SOX5: variants seen among roughly 807,000 people sequenced by gnomAD.
The protein encoded by SOX5 is SRY-box transcription factor 5.
A neutral mutation model predicts 92.0 loss-of-function variants in SOX5; 9 were observed. That is an observed-to-expected ratio of 0.10 (90% CI 0.06 to 0.17). The LOEUF (loss-of-function observed/expected upper bound fraction) is 0.17. SOX5 is among the 10% of genes least tolerant of loss of function. SOX5 has a pLI of 1.00. For missense variants in SOX5, 642 were observed against 944.5 expected (o/e 0.68, Z 4.20); for synonymous variants, 344 against 336.3 (o/e 1.02, Z -0.25).
intron 3 of SOX5, among the ~76,000 whole-genome samples, chr12:23,789,284 G>A (rs77052592): frequency 0.01 from 1,529 of 150,970 alleles, 31 homozygotes; most frequent in African/African-American, 0.036. Flanking sequence ...CCATCTTGCC[G>A]TGTGCTTAAC....
intron 4 of SOX5, among the ~76,000 whole-genome samples, chr12:23,992,688 T>G (rs1327438762): frequency 3.3e-5 from 5 of 152,190 alleles, no homozygotes; most frequent in Non-Finnish European, 1.5e-5. Context: ...TATTTTCTTC[T>G]TTGAGGTTCA....
intron 2 of SOX5, among the ~76,000 whole-genome samples, chr12:24,355,604 A>G (rs1264981941): frequency 1.3e-5 from 2 of 152,126 alleles, no homozygotes; most frequent in East Asian, 3.8e-4. Flanking sequence ...TCCTTAGATC[A>G]TTTTATAAGA....
intron 3 of SOX5, among the ~76,000 whole-genome samples, chr12:23,825,889 A>G (rs1321656368): frequency 6.6e-6 from 1 of 152,218 alleles, no homozygotes; most frequent in Non-Finnish European, 1.5e-5. Context: ...CAAAAAATTA[A>G]GAACTCTAAG....
chr12:24,262,324 C>T (rs761005492), intron 3 of SOX5, among the ~76,000 whole-genome samples: 2 of 152,176 alleles, frequency 1.3e-5, no homozygotes, highest in Non-Finnish European at 2.9e-5. Flanking sequence ...CATTAGAAGG[C>T]ATTCAAAGAC....
intron 4 of SOX5, among the ~76,000 whole-genome samples, chr12:24,064,650 T>G (rs576726195): frequency 6.6e-6 from 1 of 152,362 alleles, no homozygotes; most frequent in African/African-American, 2.4e-5. Flanking sequence ...TTATCTGTTC[T>G]CCTTATGAGA....
chr12:24,310,343 T>A (rs771809072), intron 2 of SOX5, among the ~76,000 whole-genome samples: 1 of 152,188 alleles, frequency 6.6e-6, no homozygotes, highest in Non-Finnish European at 1.5e-5. Flanking sequence ...GTATTACGGT[T>A]TCTGGGTTTG....
chr12:24,558,369 C>T (rs962805765), intron 1 of SOX5, among the ~76,000 whole-genome samples: 1 of 152,058 alleles, frequency 6.6e-6, no homozygotes, highest in Non-Finnish European at 1.5e-5. Flanking sequence ...AACAACCCCC[C>T]GCGAAATTCC....
At chr12:24,170,172 A>T (rs1044624490) in intron 4 of SOX5, among the ~76,000 whole-genome samples, 1 of 136,804 alleles carries the variant, frequency 7.3e-6, no homozygotes, top group Non-Finnish European at 1.7e-5. Context: ...GTGGTTTCAC[A>T]GCGTTCAGGA....
At chr12:24,429,203 G>A (rs1937735260) in intron 1 of SOX5, among the ~76,000 whole-genome samples, 1 of 152,114 alleles carries the variant, frequency 6.6e-6, no homozygotes, top group Admixed American at 6.5e-5. Flanking sequence ...TGTAGTCCCA[G>A]CTACTCTGGA....
chr12:24,295,399 A>G (rs778100558), intron 2 of SOX5, among the ~76,000 whole-genome samples: 1 of 152,196 alleles, frequency 6.6e-6, no homozygotes, highest in Non-Finnish European at 1.5e-5. Flanking sequence ...TGTACTGGCT[A>G]TTTAAGACAC....
At chr12:24,406,207 G>A (rs929471205) in intron 1 of SOX5, among the ~76,000 whole-genome samples, 7 of 152,166 alleles carry the variant, frequency 4.6e-5, no homozygotes, top group Admixed American at 2.6e-4. Context: ...GAGGATCAAC[G>A]GCGGTATTCA....
At chr12:23,635,506 C>T (rs2079106243) in intron 8 of SOX5, among the ~76,000 whole-genome samples, 1 of 151,708 alleles carries the variant, frequency 6.6e-6, no homozygotes, top group South Asian at 2.1e-4. Context: ...CATCACACAC[C>T]ACACCGGGGC....
chr12:23,570,930 AATAT>A (rs1164831816), intron 10 of SOX5, among the ~76,000 whole-genome samples: 38 of 19,910 alleles, frequency 1.9e-3, no homozygotes, highest in African/African-American at 6.2e-3. Flanking sequence ...AAAAAAAAAA[AATAT>A]ATATATATAT....
At chr12:23,691,785 A>G (rs1025135517) in intron 6 of SOX5, among the ~76,000 whole-genome samples, 4 of 152,130 alleles carry the variant, frequency 2.6e-5, no homozygotes, top group African/African-American at 4.8e-5. Flanking sequence ...TCTATTTTAA[A>G]TGAGTCTTTT....
intron 1 of SOX5, among the ~76,000 whole-genome samples, chr12:24,435,315 T>C (rs1596595861): frequency 6.6e-6 from 1 of 152,220 alleles, no homozygotes; most frequent in East Asian, 1.9e-4. Context: ...CGGCATTAGC[T>C]GGGCCTGTAG....
intron 8 of SOX5, among the ~76,000 whole-genome samples, chr12:23,609,843 C>A (rs968547512): frequency 3.3e-5 from 5 of 152,130 alleles, no homozygotes; most frequent in African/African-American, 9.7e-5. Context: ...CCACCACCAA[C>A]ATAAGCTTGA....
chr12:24,206,520 C>T (rs1958033928), intron 4 of SOX5, among the ~76,000 whole-genome samples: 1 of 152,144 alleles, frequency 6.6e-6, no homozygotes. Flanking sequence ...GGTCAGACTT[C>T]AACAGGAAAG....
At chr12:24,354,961 A>G (rs1954613448) in intron 2 of SOX5, among the ~76,000 whole-genome samples, 1 of 152,154 alleles carries the variant, frequency 6.6e-6, no homozygotes, top group African/African-American at 2.4e-5. Context: ...CCTTCTAGTA[A>G]CTTAAAAAAA....
At chr12:23,731,068 C>T (rs909956385) in intron 6 of SOX5, among the ~76,000 whole-genome samples, 7 of 152,196 alleles carry the variant, frequency 4.6e-5, no homozygotes, top group Admixed American at 6.5e-5. Flanking sequence ...AAGGTGAATG[C>T]GTGGATCTAT....
Sources: gnomAD v4.1 joint callset for allele counts (sites outside exome capture counted in the v4.1 genomes callset) on GRCh38, gnomAD v4.1.1 for gene constraint, MANE v1.5 for transcripts, NCBI Gene and HGNC (gene_info 2026-07-23, HGNC 2026-07-21) for gene names.